Variants in CTNNA1 observed in about 807,000 individuals in gnomAD.
CTNNA1 encodes the protein catenin alpha-1.
Under a neutral mutation model 98.4 loss-of-function variants are expected in CTNNA1, and 37 were observed. The ratio of observed to expected loss-of-function variants is 0.38; its 90% confidence interval spans 0.29 to 0.49. The LOEUF (loss-of-function observed/expected upper bound fraction) is 0.49. Among genes scored for constraint, CTNNA1 ranks in the 20% least tolerant of loss-of-function variants. The pLI is 0.95. For missense variants in CTNNA1, 761 were observed against 1,147.2 expected, an observed-to-expected ratio of 0.66 and a Z score of 4.86; for synonymous variants, 404 against 413.2, an observed-to-expected ratio of 0.98 and a Z score of 0.27.
chr5:138,933,008 CT>C (rs1561781771), intron 17 of CTNNA1: 2 of 764,702 alleles, frequency 2.6e-6, no homozygotes, highest in Non-Finnish European at 4.8e-6. Flanking sequence ...TGGCAGGTAC[CT>C]GTAAGTCCCA....
chr5:138,822,611 TTAAGTG>T (rs1760150950), intron 5 of CTNNA1, among the ~76,000 whole-genome samples: 1 of 152,214 alleles, frequency 6.6e-6, no homozygotes. Context: ...CACCAGCTGT[TTAAGTG>T]TAATGTTTAG....
rs370700641 is a variant in CTNNA1 at position 138,873,388 on chromosome 5, A to G, written c.1063-12824A>G. Reference sequence around the variant, plus strand: ...TAGTTGGGATTTCTTTGTCTCCCACATGGTAACTTGATGAGCTTATTCTTT... The same window carrying G: ...TAGTTGGGATTTCTTTGTCTCCCACGTGGTAACTTGATGAGCTTATTCTTT... On this transcript the variant is annotated intron_variant, in intron 7 of 17. Transcript: ENST00000302763. The surrounding 1 kb of genome is among the most constrained non-coding windows in gnomAD (Gnocchi z 6.1). 3.3e-5 allele frequency: 53 copies of G among 1,613,954 alleles called. No individual in the cohort carries two copies. Among genetic ancestry groups the G allele is most frequent in the Admixed American group, 1.0e-4 (6 of 60,010 alleles).
intron 7 of CTNNA1, among the ~76,000 whole-genome samples, chr5:138,882,443 G>GA (rs1411547721): frequency 3.3e-5 from 5 of 152,200 alleles, no homozygotes; most frequent in African/African-American, 1.2e-4. Flanking sequence ...AGAAGAAGGA[G>GA]AAAAGAAAGC....
Position 138,932,600 on chromosome 5 carries a change from A to G in CTNNA1, c.2321A>G (p.Gln774Arg). ...CAGTGCCCCGACTCGGCTTGCAAGC[A>G]GGACCTGCTGGCCTACCTGCAACGC... ...ADHCPDSACK[Q>R]DLLAYLQRIA... Residue 774 changes from glutamine (Q) to arginine (R), a missense_variant, in exon 17 of 18, where the codon CAG (glutamine) becomes CGG (arginine). Gln to Arg is a conservative substitution (Grantham distance 43, BLOSUM62 1). This residue lies in a region of CTNNA1 where 77 missense variants were observed against 198.8 expected (regional missense o/e 0.39). Coordinates refer to ENST00000302763, the MANE Select transcript of CTNNA1 (RefSeq NM_001903.5). 1 of 1,614,180 alleles carries G rather than the reference A, an allele frequency of 6.2e-7. No homozygotes were observed. Among genetic ancestry groups the G allele is most frequent in the East Asian group, 2.2e-5 (1 of 44,884 alleles).
chr5:138,867,188 T>C (rs1764867930), intron 7 of CTNNA1, among the ~76,000 whole-genome samples: 1 of 152,190 alleles, frequency 6.6e-6, no homozygotes, highest in Non-Finnish European at 1.5e-5. Flanking sequence ...ATGGGATGAG[T>C]TTGACAATAG....
intron 1 of CTNNA1, among the ~76,000 whole-genome samples, chr5:138,775,722 T>C (rs1310905655): frequency 7.6e-6 from 1 of 132,038 alleles, no homozygotes; most frequent in African/African-American, 3.3e-5. Context: ...TTCTTTTTTT[T>C]TTTTTTTTTT....
chr5:138,792,675 C>T (rs1756508705), intron 3 of CTNNA1, among the ~76,000 whole-genome samples: 1 of 152,126 alleles, frequency 6.6e-6, no homozygotes, highest in Non-Finnish European at 1.5e-5. Context: ...AGATCATGAG[C>T]TTGATCTCAC....
At chr5:138,778,922 A>G (rs1265844101) in intron 1 of CTNNA1, among the ~76,000 whole-genome samples, 1 of 152,020 alleles carries the variant, frequency 6.6e-6, no homozygotes, top group East Asian at 1.9e-4. Flanking sequence ...TCTGTTGCCT[A>G]GGCTGGAGTG....
chr5:138,813,703 G>A (rs972003869), intron 5 of CTNNA1, among the ~76,000 whole-genome samples: 2 of 152,090 alleles, frequency 1.3e-5, no homozygotes, highest in East Asian at 1.9e-4. Context: ...ATGTAACCTC[G>A]ATTTCCCCAG....
At position 138,930,842 on chromosome 5, in the gene CTNNA1, A is replaced by T. The variant is rs2150336875; in HGVS notation, c.2205A>T (p.Pro735=). ...EMTDFTRGKG[P]LKNTSDVISA... ...TCCCTCTTCTCAGAGGTAAAGGACC[A>T]CTCAAAAATACATCGGATGTCATCA... Residue 735 remains proline (P), a synonymous_variant, in exon 16 of 18, where the codon CCA becomes CCT. Coordinates refer to ENST00000302763, the MANE Select transcript of CTNNA1 (RefSeq NM_001903.5). 2 of 1,610,508 alleles carry T rather than the reference A, an allele frequency of 1.2e-6. No individual in the cohort carries two copies. Among genetic ancestry groups the T allele is most frequent in the Non-Finnish European group, 1.7e-6 (2 of 1,176,688 alleles).
At chr5:138,838,891 A>G (rs1017979498) in intron 7 of CTNNA1, among the ~76,000 whole-genome samples, 13 of 152,106 alleles carry the variant, frequency 8.5e-5, no homozygotes, top group Non-Finnish European at 1.8e-4. Flanking sequence ...TCGGCCTCCC[A>G]AAGTGCTGGG....
At chr5:138,862,417 A>G (rs1292515617) in intron 7 of CTNNA1, among the ~76,000 whole-genome samples, 1 of 152,264 alleles carries the variant, frequency 6.6e-6, no homozygotes, top group African/African-American at 2.4e-5. Context: ...GTCCTAAAAT[A>G]TAATTGTCCA....
intron 11 of CTNNA1, among the ~76,000 whole-genome samples, chr5:138,923,979 C>T (rs1004893422): frequency 6.6e-6 from 1 of 152,194 alleles, no homozygotes; most frequent in African/African-American, 2.4e-5. Context: ...CATCTCACAC[C>T]TCAGGGTCCT....
intron 7 of CTNNA1, among the ~76,000 whole-genome samples, chr5:138,847,966 C>T (rs1420761647): frequency 6.6e-6 from 1 of 152,170 alleles, no homozygotes; most frequent in African/African-American, 2.4e-5. Context: ...AGAGATAAAT[C>T]AAGTGGCACC....
Position 138,934,180 on chromosome 5 carries a change from ATAC to A in CTNNA1, c.*94_*96del. 1 of 934,482 alleles carries A rather than the reference ATAC, an allele frequency of 1.1e-6. No individual in the cohort carries two copies. Among genetic ancestry groups the A allele is most frequent in the Non-Finnish European group, 1.6e-6 (1 of 619,642 alleles). The allele number at this position is 934,482 out of a possible 1,614,324, so 57.9% of individuals were successfully genotyped here. On this transcript the variant is annotated 3_prime_UTR_variant, in exon 18 of 18. Transcript: ENST00000302763. ...AATGAATTTGCTAAATACAACACTG[ATAC>A]TAGATTCCACAGGGAAATGGGCAGA...
intron 7 of CTNNA1, among the ~76,000 whole-genome samples, chr5:138,860,404 C>A (rs1764151330): frequency 6.6e-6 from 1 of 152,184 alleles, no homozygotes; most frequent in South Asian, 2.1e-4. Flanking sequence ...AGGAATGCTG[C>A]ATCAAAACTA....
chr5:138,769,053 CT>C (rs1184272886), intron 1 of CTNNA1, among the ~76,000 whole-genome samples: 44 of 151,896 alleles, frequency 2.9e-4, no homozygotes, highest in Non-Finnish European at 4.3e-4. Context: ...TGTTTTCTTT[CT>C]TTTTTTTGTT....
At chr5:138,766,024 C>T (rs886638073) in intron 1 of CTNNA1, among the ~76,000 whole-genome samples, 1 of 145,800 alleles carries the variant, frequency 6.9e-6, no homozygotes, top group African/African-American at 2.5e-5. Context: ...TTTCTTATTT[C>T]TTTGTGCATA....
chr5:138,824,919 C>G (rs1760488827), intron 6 of CTNNA1, 120 bp downstream of exon 6: 5 of 899,392 alleles, frequency 5.6e-6, no homozygotes, highest in Non-Finnish European at 8.6e-6. Context: ...GATCTTTAAT[C>G]TAAGTCAAAA....
Sources: gnomAD v4.1 joint callset for allele counts (sites outside exome capture counted in the v4.1 genomes callset) on GRCh38, gnomAD v4.1.1 for gene constraint, gnomAD v4.1.1 regional missense constraint, Gnocchi (gnomAD v3.1) non-coding constraint, MANE v1.5 for transcripts, NCBI Gene and HGNC (gene_info 2026-07-23, HGNC 2026-07-21) for gene names.